The following ADAMTSL1 variants were observed in gnomAD, a reference collection of about 807,000 sequenced individuals.
ADAMTSL1 encodes ADAMTS-like protein 1.
ADAMTSL1 carries 126 observed loss-of-function variants against 201.8 expected under a neutral mutation model. The observed-to-expected ratio is 0.62, with a 90% CI of 0.54 to 0.72. The LOEUF (loss-of-function observed/expected upper bound fraction) is 0.72. Among genes scored for constraint, ADAMTSL1 ranks in the 30% least tolerant of loss-of-function variants. The probability of loss-of-function intolerance (pLI) is 0.00; values close to 1 mark genes in which losing one functional copy is unlikely to be tolerated. For missense variants in ADAMTSL1, 2,679 were observed against 2,277.8 expected, an observed-to-expected ratio of 1.18 and a Z score of -3.59; for synonymous variants, 1,121 against 903.4, an observed-to-expected ratio of 1.24 and a Z score of -4.32.
At chr9:18,354,957 C>T (rs1836146849) in intron 2 of ADAMTSL1, among the ~76,000 whole-genome samples, 1 of 152,052 alleles carries the variant, frequency 6.6e-6, no homozygotes, top group African/African-American at 2.4e-5. Flanking sequence ...GGCGACAAAG[C>T]AAGACTCCAT....
rs934934685 is a variant in ADAMTSL1, at chr9:18,661,207, G to T, written c.947-728G>T. On this transcript the variant is annotated intron_variant, in intron 8 of 28. Transcript: ENST00000380548. ...CTCAACAATACTTTTTTTAAGAGAGGCTTCTTTAAACAGTGACAATTTGTG... is the reference window on the plus strand; with the variant it reads ...CTCAACAATACTTTTTTTAAGAGAGTCTTCTTTAAACAGTGACAATTTGTG... Among the ~76,000 whole-genome samples the T allele has an allele frequency of 3.9e-5, 6 of 152,092 alleles. No homozygotes were observed. The South Asian group carries it at 1.2e-3, about 31-fold the overall frequency.
At chr9:18,741,580 G>A (rs1479841762) in intron 15 of ADAMTSL1, among the ~76,000 whole-genome samples, 1 of 152,146 alleles carries the variant, frequency 6.6e-6, no homozygotes, top group Non-Finnish European at 1.5e-5. Flanking sequence ...AATCTGCTGG[G>A]GCTTCCATAA....
At position 18,906,800 on chromosome 9, in the gene ADAMTSL1, G is replaced by A; in HGVS notation, c.5070G>A (p.Arg1690=). ...ATCGNYGFQS[R]RVECVHARTN... ...GTGGCAACTACGGCTTCCAGTCCCG[G>A]CGTGTGGAGTGTGTGCATGCCCGCA... The change falls in exon 28 of 29, where the codon CGG becomes CGA. Residue 1690 remains arginine, a synonymous_variant. Coordinates refer to ENST00000380548, the MANE Select transcript of ADAMTSL1 (RefSeq NM_001040272.6). 6.2e-7 allele frequency: 1 copy of A among 1,614,022 alleles called. No homozygotes were observed. The highest frequency in any genetic ancestry group is 8.5e-7 in the Non-Finnish European group (1 of 1,179,900).
intron 1 of ADAMTSL1, among the ~76,000 whole-genome samples, chr9:18,144,191 TTTTCTTTCTTTCTTTC>T (rs150298163): frequency 1.3e-5 from 2 of 149,280 alleles, no homozygotes; most frequent in Non-Finnish European, 3.0e-5. Context: ...ATATACATCT[TTTTCTTTCTTTCTTTC>T]TTTCTTTCTT....
chr9:18,441,299 T>C (rs1415089220), intron 2 of ADAMTSL1, among the ~76,000 whole-genome samples: 2 of 152,176 alleles, frequency 1.3e-5, no homozygotes, highest in African/African-American at 2.4e-5. Context: ...GTGAATTTTA[T>C]GGAATGTGAA....
In ADAMTSL1 at chr9:17,974,306, G is replaced by T. The variant is rs188689768; in HGVS notation, c.87+67384G>T. Among the ~76,000 whole-genome samples the T allele has an allele frequency of 1.7e-3, 261 of 152,120 alleles. 1 individual carries two copies. The highest frequency in any genetic ancestry group is 5.6e-3 in the African/African-American group (233 of 41,542). ...AATGAGGAAAAGAGGAAGTCAAATT[G>T]TCCCTGTTTGCATATGACATGATTG... On this transcript the variant is annotated intron_variant, in intron 1 of 29. Coordinates refer to the ADAMTSL1 transcript ENST00000680146.
At chr9:18,271,338 C>G (rs188466480) in intron 2 of ADAMTSL1, among the ~76,000 whole-genome samples, 3 of 152,076 alleles carry the variant, frequency 2.0e-5, no homozygotes, top group African/African-American at 7.2e-5. Flanking sequence ...CCACTCCCCC[C>G]ACCCCACAAC....
chr9:18,630,947 T>C (rs1251293283), intron 5 of ADAMTSL1, among the ~76,000 whole-genome samples: 2 of 152,174 alleles, frequency 1.3e-5, no homozygotes, highest in Non-Finnish European at 2.9e-5. Context: ...TATTGTCTTA[T>C]AATTTTCTCC....
At position 18,657,703 on chromosome 9, in the gene ADAMTSL1, G is replaced by T. The variant is rs752262465; in HGVS notation, c.899G>T (p.Arg300Leu). ...ATCTTCTATCAACCCATCATCCACC[G>T]ATGGAGGGAGACGGATTTCTTTCCT... is the stretch of plus-strand genomic sequence containing the variant. The part of the protein sequence containing the change: ...QFIFYQPIIH[R>L]WRETDFFPCS... The change falls in exon 8 of 29, where the codon CGA (arginine) becomes CTA (leucine). Residue 300 changes from arginine to leucine, a missense_variant. Coordinates refer to ENST00000380548, the MANE Select transcript of ADAMTSL1 (RefSeq NM_001040272.6). 6.2e-7 allele frequency: 1 copy of T among 1,614,170 alleles called. No homozygotes were observed. The highest frequency in any genetic ancestry group is 2.2e-5 in the East Asian group (1 of 44,886).
intron 2 of ADAMTSL1, among the ~76,000 whole-genome samples, chr9:18,353,583 TA>T (rs1563907340): frequency 6.6e-6 from 1 of 152,204 alleles, no homozygotes; most frequent in Non-Finnish European, 1.5e-5. Context: ...ATGGGTTAAA[TA>T]TAGTTAGTAA....
At chr9:18,887,596 G>A (rs189693569) in intron 23 of ADAMTSL1, among the ~76,000 whole-genome samples, 100 of 152,064 alleles carry the variant, frequency 6.6e-4, no homozygotes, top group Admixed American at 3.1e-3. Context: ...AAAGAAACAG[G>A]TACTTTTGTT....
At chr9:18,391,367 T>C (rs1207537119) in intron 2 of ADAMTSL1, among the ~76,000 whole-genome samples, 1 of 152,236 alleles carries the variant, frequency 6.6e-6, no homozygotes, top group Non-Finnish European at 1.5e-5. Context: ...CATAAAATTA[T>C]ATCTTTTATT....
chr9:18,466,431 C>T (rs1821008364), intron 2 of ADAMTSL1, among the ~76,000 whole-genome samples: 2 of 152,088 alleles, frequency 1.3e-5, no homozygotes, highest in Non-Finnish European at 2.9e-5. Flanking sequence ...AAAGGCTCAC[C>T]ATAATTTCAA....
At chr9:18,333,056 G>T (rs887678601) in intron 2 of ADAMTSL1, among the ~76,000 whole-genome samples, 7 of 152,200 alleles carry the variant, frequency 4.6e-5, no homozygotes, top group African/African-American at 1.7e-4. Context: ...AGAATGGCCA[G>T]AATACCAGGA....
At chr9:18,102,970 A>AT in intron 1 of ADAMTSL1, among the ~76,000 whole-genome samples, 1 of 152,290 alleles carries the variant, frequency 6.6e-6, no homozygotes, top group South Asian at 2.1e-4. Flanking sequence ...CAAAGCTGTT[A>AT]TTTTTGTTTA....
intron 1 of ADAMTSL1, among the ~76,000 whole-genome samples, chr9:17,921,107 T>C (rs1306833110): frequency 6.6e-6 from 1 of 152,232 alleles, no homozygotes; most frequent in Non-Finnish European, 1.5e-5. Flanking sequence ...CTATTAGTTA[T>C]TTGGCCTCTT....
chr9:17,916,823 C>T (rs890532283), intron 1 of ADAMTSL1, among the ~76,000 whole-genome samples: 10 of 151,994 alleles, frequency 6.6e-5, no homozygotes, highest in African/African-American at 1.7e-4. Context: ...AAGATGCATG[C>T]GGGGATTTGA....
intron 1 of ADAMTSL1, among the ~76,000 whole-genome samples, chr9:18,075,966 C>G (rs984683012): frequency 6.6e-6 from 1 of 152,182 alleles, no homozygotes; most frequent in East Asian, 1.9e-4. Context: ...CACAAATAAA[C>G]ACTCACCTAA....
intron 2 of ADAMTSL1, among the ~76,000 whole-genome samples, chr9:18,299,679 G>A (rs948573069): frequency 1.1e-4 from 17 of 152,146 alleles, no homozygotes; most frequent in Non-Finnish European, 2.4e-4. Context: ...GCAGAACCTG[G>A]GTGATGAAGG....
Sources: gnomAD v4.1 joint callset for allele counts (sites outside exome capture counted in the v4.1 genomes callset) on GRCh38, gnomAD v4.1.1 for gene constraint, MANE v1.5 for transcripts, NCBI Gene and HGNC (gene_info 2026-07-23, HGNC 2026-07-21) for gene names.